The following MEGF8 variants were observed in gnomAD, a reference collection of about 807,000 sequenced individuals.
The protein encoded by MEGF8 is multiple epidermal growth factor-like domains protein 8.
Under a neutral mutation model 302.9 loss-of-function variants are expected in MEGF8, and 156 were observed. The observed-to-expected ratio is 0.52, with a 90% CI of 0.45 to 0.59. MEGF8 has a LOEUF of 0.59. Ranked by LOEUF, MEGF8 falls within the 20% of genes least tolerant of loss-of-function variation. MEGF8 has a pLI of 0.00. For synonymous variants in MEGF8, 1,621 were observed against 1,660.5 expected (o/e 0.98, Z 0.58); for missense variants, 3,345 against 3,964.5 (o/e 0.84, Z 4.20).
chr19:42,371,261 T>C lies in MEGF8; in HGVS notation c.7137-89T>C, dbSNP rs1178287987. 2.7e-6 allele frequency: 4 copies of C among 1,508,356 alleles called. No homozygotes were observed. In the East Asian group the frequency reaches 7.2e-5, roughly 27 times the overall value. 93.4% of individuals were successfully genotyped at this position (1,508,356 alleles called of 1,614,324 possible). ...TGAACCTCAGTTTCCTCTTCTGGCC[T>C]GTTGCACAGAGTTGAGCTCACATAT... On this transcript the variant is annotated intron_variant, in intron 40 of 41. Transcript: ENST00000251268.
In MEGF8 at chr19:42,370,357, G is replaced by A. The variant is rs2147509511; in HGVS notation, c.7003G>A (p.Glu2335Lys). The A allele has an allele frequency of 6.4e-7, 1 of 1,568,160 alleles. No homozygotes were observed. Residue 2335 changes from glutamate to lysine, a missense_variant and splice_region_variant, in exon 39 of 42, where the codon GAG becomes AAG. Glu to Lys is a moderately conservative substitution (Grantham distance 56, BLOSUM62 1). Coordinates refer to ENST00000251268, the MANE Select transcript of MEGF8 (RefSeq NM_001271938.2). Reference sequence around the variant, plus strand: ...AAAGAAGTACTCACTGGACCCAGAGGAGGTGAAAGAGAGGGGTCAGATGCC... The same window carrying A: ...AAAGAAGTACTCACTGGACCCAGAGAAGGTGAAAGAGAGGGGTCAGATGCC... Reference protein sequence around the residue: ...EPKKYSLDPEEIENWVTEGPS... With the variant: ...EPKKYSLDPEKIENWVTEGPS...
intron 35 of MEGF8, among the ~76,000 whole-genome samples, chr19:42,366,478 C>A (rs527350290): frequency 1.5e-4 from 23 of 152,304 alleles, no homozygotes; most frequent in African/African-American, 5.5e-4. Context: ...GGATTACAGG[C>A]ATGAGCCACC....
In MEGF8 at chr19:42,364,086, C is replaced by T. The variant is rs181534588; in HGVS notation, c.6273+824C>T. Among the ~76,000 whole-genome samples the T allele has an allele frequency of 7.2e-4, 109 of 152,290 alleles. 1 individual carries two copies. The highest frequency in any genetic ancestry group is 2.6e-3 in the African/African-American group (108 of 41,560). On this transcript the variant is annotated intron_variant, in intron 35 of 41. Transcript: ENST00000251268. ...AGGAGCACGTGGTTCAAACGTGGCA[C>T]GTCAGATCTAGGCCTCTTCTAGGCT...
At position 42,356,329 on chromosome 19, in the gene MEGF8, C is replaced by G; in HGVS notation, c.4504-6C>G. 1 of 1,610,262 alleles carries G rather than the reference C, an allele frequency of 6.2e-7. No homozygotes were observed. The highest frequency in any genetic ancestry group is 8.5e-7 in the Non-Finnish European group (1 of 1,178,610). On this transcript the variant is annotated splice_region_variant and splice_polypyrimidine_tract_variant and intron_variant, in intron 25 of 41. Transcript: ENST00000251268. The surrounding 1 kb of genome is among the most constrained non-coding windows in gnomAD (Gnocchi z 5.2). The stretch of plus-strand genomic sequence containing the variant: ...CCTGATCCCCAATGTCCGCACCCAC[C>G]CCTAGGACACTGCCAGCCGCTTCCT...
In MEGF8 at chr19:42,353,847, C is replaced by A; in HGVS notation, c.3834C>A (p.Gly1278=). ...LLTNVSSVAL[G]SRRVGGLLPP... ...CCAACGTGTCCTCAGTGGCACTGGG[C>A]TCACGCCGGGTCGGGGGGCTGCTGC... Residue 1278 remains glycine, a synonymous_variant, in exon 22 of 42, where the codon GGC becomes GGA. Transcript: ENST00000251268. The surrounding 1 kb of genome is among the most constrained non-coding windows in gnomAD (Gnocchi z 6.1). 1 of 1,609,804 alleles carries A rather than the reference C, an allele frequency of 6.2e-7. No homozygotes were observed. Among genetic ancestry groups the A allele is most frequent in the Non-Finnish European group, 8.5e-7 (1 of 1,178,258 alleles).
Position 42,370,802 on chromosome 19 carries a change from C to CT in MEGF8, c.7108dup (p.Tyr2370LeufsTer14). ...AGAAATGCGAGAGCTGCCTGCAGGGCTACTTCCTCCTGGACGGGAAGTGCA... is the reference window on the plus strand; with the variant it reads ...AGAAATGCGAGAGCTGCCTGCAGGGCTTACTTCCTCCTGGACGGGAAGTGCA... On this transcript the variant is annotated frameshift_variant, in exon 40 of 42. Coordinates refer to ENST00000251268, the MANE Select transcript of MEGF8 (RefSeq NM_001271938.2). LOFTEE classifies it high-confidence loss of function. 1 of 1,309,108 alleles carries CT rather than the reference C, an allele frequency of 7.6e-7. No homozygotes were observed. Among genetic ancestry groups the CT allele is most frequent in the South Asian group, 1.3e-5 (1 of 79,092 alleles). 81.1% of individuals were successfully genotyped at this position (1,309,108 alleles called of 1,614,324 possible).
chr19:42,329,391 G>A (rs1325437199), intron 1 of MEGF8, among the ~76,000 whole-genome samples: 3 of 152,192 alleles, frequency 2.0e-5, no homozygotes, highest in Non-Finnish European at 4.4e-5. Flanking sequence ...GAGAGGTGTA[G>A]ACAGTGCAAT....
chr19:42,365,266 C>G (rs1002727617), intron 35 of MEGF8, among the ~76,000 whole-genome samples: 2 of 152,112 alleles, frequency 1.3e-5, no homozygotes, highest in Non-Finnish European at 2.9e-5. Context: ...CCCAGCCTCT[C>G]GGTGCTTGCC....
chr19:42,376,376 C>G lies in MEGF8; in HGVS notation c.8139C>G (p.Ser2713=), dbSNP rs199681302. ...CACCTGACCCTACTGCCCCGGCCTC[C>G]GCCTGGAAGCCGGCTGGGCTCCCAC... ...CFPPDPTAPA[S]AWKPAGLPPP... Residue 2713 remains serine, a synonymous_variant, in exon 42 of 42, where the codon TCC becomes TCG. Coordinates refer to ENST00000251268, the MANE Select transcript of MEGF8 (RefSeq NM_001271938.2). The surrounding 1 kb of genome is among the most constrained non-coding windows in gnomAD (Gnocchi z 8.2). The G allele has an allele frequency of 6.2e-7, 1 of 1,613,292 alleles. No homozygotes were observed. Among genetic ancestry groups the G allele is most frequent in the East Asian group, 2.2e-5 (1 of 44,874 alleles).
rs771007611 is a variant in MEGF8 at position 42,371,500 on chromosome 19, A to G, written c.7269+18A>G. ...AGTACCAGGTGCGGCTGCAGAAGCT[A>G]GTGGTGGGCCGAGGGCCCTACACCT... On this transcript the variant is annotated intron_variant, in intron 41 of 41. Coordinates refer to ENST00000251268, the MANE Select transcript of MEGF8 (RefSeq NM_001271938.2). 3 of 1,613,646 alleles carry G rather than the reference A, an allele frequency of 1.9e-6. No individual in the cohort carries two copies. In the South Asian group the frequency reaches 3.3e-5, roughly 18 times the overall value.
intron 23 of MEGF8, 79 bp from the exon 24 acceptor site, chr19:42,355,679 C>T (rs2039440452): frequency 6.8e-7 from 1 of 1,468,740 alleles, no homozygotes; most frequent in African/African-American, 1.4e-5. Flanking sequence ...CCCAGTCACA[C>T]TGGGTTTTCT....
At chr19:42,359,022 G>A in intron 30 of MEGF8, 68 bp downstream of exon 30, 1 of 1,557,508 alleles carries the variant, frequency 6.4e-7, no homozygotes. Flanking sequence ...GTACAGGGGT[G>A]GCTGGAGGGC....
Position 42,351,676 on chromosome 19 carries a change from T to C in MEGF8, c.3016T>C (p.Cys1006Arg). ...ACACTCGGAGCCACGGTGCCGGAGC[T>C]GCGATGGCTTCCTGACCTGCCATGA... is the stretch of plus-strand genomic sequence containing the variant. ...SVHSEPRCRS[C>R]DGFLTCHECL... Residue 1006 changes from cysteine (C) to arginine (R), a missense_variant, in exon 18 of 42, where the codon TGC becomes CGC. By Grantham distance (180) the Cys-to-Arg change is radical (BLOSUM62 -3). Transcript: ENST00000251268. The surrounding 1 kb of genome is among the most constrained non-coding windows in gnomAD (Gnocchi z 5.6). 1 of 1,590,530 alleles carries C rather than the reference T, an allele frequency of 6.3e-7. No individual in the cohort carries two copies. Among genetic ancestry groups the C allele is most frequent in the Non-Finnish European group, 8.6e-7 (1 of 1,169,314 alleles).
chr19:42,327,009 A>C (rs1252042250), intron 1 of MEGF8, among the ~76,000 whole-genome samples: 2 of 152,174 alleles, frequency 1.3e-5, no homozygotes, highest in African/African-American at 2.4e-5. Context: ...CTGGCTTCTT[A>C]TTATTAGCTT....
At position 42,335,165 on chromosome 19, in the gene MEGF8, G is replaced by T; in HGVS notation, c.689G>T (p.Gly230Val). The change falls in exon 4 of 42, where the codon GGG (glycine) becomes GTG (valine). Residue 230 changes from glycine (G) to valine (V), a missense_variant. Transcript: ENST00000251268. ...ARDPAFSARI[G>V]AAGAFLSPPG... The stretch of plus-strand genomic sequence containing the variant: ...GACCCTGCCTTCTCTGCCCGTATTG[G>T]GGCAGCTGGCGCCTTCCTGTCCCCA... The T allele has an allele frequency of 1.2e-6, 2 of 1,613,946 alleles. No individual in the cohort carries two copies. The highest frequency in any genetic ancestry group is 1.7e-6 in the Non-Finnish European group (2 of 1,179,858).
rs1307664892 is a variant in MEGF8, at chr19:42,358,132, G to C, written c.5012-12G>C. ...AGCCCCTCCCCCAGCCTGTCACCCT[G>C]CCCCTCACCAGGTCTCTATGGTCAC... On this transcript the variant is annotated splice_polypyrimidine_tract_variant and intron_variant, in intron 28 of 41. Coordinates refer to ENST00000251268, the MANE Select transcript of MEGF8 (RefSeq NM_001271938.2). The surrounding 1 kb of genome is among the most constrained non-coding windows in gnomAD (Gnocchi z 4.4). 1 of 1,555,686 alleles carries C rather than the reference G, an allele frequency of 6.4e-7. No individual in the cohort carries two copies. The highest frequency in any genetic ancestry group is 8.7e-7 in the Non-Finnish European group (1 of 1,152,372).
intron 41 of MEGF8, among the ~76,000 whole-genome samples, chr19:42,373,597 T>C (rs2039722989): frequency 6.6e-6 from 1 of 151,758 alleles, no homozygotes. Context: ...GTTTTAACCA[T>C]GTTGCCCAGG....
At position 42,333,717 on chromosome 19, in the gene MEGF8, C is replaced by T. The variant is rs2039084649; in HGVS notation, c.300C>T (p.Ala100=). Residue 100 remains alanine, a synonymous_variant, in exon 2 of 42, where the codon GCC becomes GCT. Coordinates refer to ENST00000251268, the MANE Select transcript of MEGF8 (RefSeq NM_001271938.2). The part of the protein sequence containing the change: ...DGDSPRGPLL[A]SLSGSTRPPP... ...ACTCCCCGCGAGGGCCGCTGCTTGCCAGTCTAAGTGGGAGCACCCGACCTC... is the reference window on the plus strand; with the variant it reads ...ACTCCCCGCGAGGGCCGCTGCTTGCTAGTCTAAGTGGGAGCACCCGACCTC... The T allele has an allele frequency of 6.2e-7, 1 of 1,613,896 alleles. No homozygotes were observed. The highest frequency in any genetic ancestry group is 1.3e-5 in the African/African-American group (1 of 74,930).
At chr19:42,371,922 A>C (rs535028355) in intron 41 of MEGF8, among the ~76,000 whole-genome samples, 1 of 152,134 alleles carries the variant, frequency 6.6e-6, no homozygotes, top group South Asian at 2.1e-4. Flanking sequence ...ATCTCTGAAA[A>C]AAAATTTAAA....
Sources: gnomAD v4.1 joint callset for allele counts (sites outside exome capture counted in the v4.1 genomes callset) on GRCh38, gnomAD v4.1.1 for gene constraint, Gnocchi (gnomAD v3.1) non-coding constraint, MANE v1.5 for transcripts, NCBI Gene and HGNC (gene_info 2026-07-23, HGNC 2026-07-21) for gene names.